COG4: variants seen among roughly 807,000 people sequenced by gnomAD.
COG4 encodes the protein component of oligomeric golgi complex 4, also known as conserved oligomeric Golgi complex subunit 4.
A neutral mutation model predicts 95.1 loss-of-function variants in COG4; 65 were observed. The ratio of observed to expected loss-of-function variants is 0.68; its 90% CI spans 0.56 to 0.84. COG4 has a LOEUF of 0.84. Among genes scored for constraint, COG4 ranks in the 40% least tolerant of loss-of-function variants. COG4 has a pLI of 0.00. For missense variants in COG4, 1,045 were observed against 989.1 expected, an observed-to-expected ratio of 1.06 and a Z score of -0.76; for synonymous variants, 421 against 374.8, an observed-to-expected ratio of 1.12 and a Z score of -1.42.
At chr16:70,488,531 C>T (rs952737127) in intron 13 of COG4, among the ~76,000 whole-genome samples, 5 of 151,926 alleles carry the variant, frequency 3.3e-5, no homozygotes, top group Non-Finnish European at 4.4e-5. Context: ...GTAGCTGAGA[C>T]TACAGGCACG....
chr16:70,516,851 C>A (rs1207987282), intron 3 of COG4, among the ~76,000 whole-genome samples: 1 of 152,136 alleles, frequency 6.6e-6, no homozygotes, highest in African/African-American at 2.4e-5. Flanking sequence ...GCAATCTCTG[C>A]CTCTTGGGGT....
intron 2 of COG4, 101 bp from the exon 3 acceptor site, chr16:70,517,841 C>T: frequency 1.3e-6 from 1 of 753,808 alleles, no homozygotes; most frequent in Non-Finnish European, 2.4e-6. Context: ...TCTTTCATAC[C>T]TACCTGTAAC....
At chr16:70,500,718 T>C (rs539760441) in intron 9 of COG4, among the ~76,000 whole-genome samples, 38 of 152,102 alleles carry the variant, frequency 2.5e-4, no homozygotes, top group Non-Finnish European at 5.9e-5. Context: ...TTATATCCCA[T>C]AAAATTTAAA....
intron 3 of COG4, among the ~76,000 whole-genome samples, chr16:70,516,357 C>T (rs1313121962): frequency 1.3e-5 from 2 of 150,778 alleles, no homozygotes; most frequent in Non-Finnish European, 1.5e-5. Context: ...AGTGCAGAGG[C>T]GCCATCTCGG....
chr16:70,507,409 T>C (rs2049601580), intron 8 of COG4, among the ~76,000 whole-genome samples: 1 of 152,178 alleles, frequency 6.6e-6, no homozygotes, highest in South Asian at 2.1e-4. Context: ...TACCATCGTG[T>C]TATAATTGTC....
At chr16:70,508,991 CT>C in intron 7 of COG4, 2 of 587,608 alleles carry the variant, frequency 3.4e-6, no homozygotes, top group Non-Finnish European at 6.1e-6. Context: ...CTGCTGTGTT[CT>C]TTTCAGGAAG....
intron 2 of COG4, among the ~76,000 whole-genome samples, chr16:70,519,092 T>C (rs938695468): frequency 1.3e-5 from 2 of 152,122 alleles, no homozygotes; most frequent in African/African-American, 4.8e-5. Flanking sequence ...TTTTGTAAGT[T>C]TGGAGTGGGG....
chr16:70,492,463 A>G (rs780345753), intron 12 of COG4, among the ~76,000 whole-genome samples: 1 of 152,050 alleles, frequency 6.6e-6, no homozygotes, highest in Non-Finnish European at 1.5e-5. Flanking sequence ...GTTCGGGACT[A>G]GCCTGACCAA....
chr16:70,482,563 G>C, intron 15 of COG4, 166 bp downstream of exon 15: 2 of 694,712 alleles, frequency 2.9e-6, no homozygotes. Flanking sequence ...TTCTGACTAG[G>C]GACAAACTGT....
At position 70,497,258 on chromosome 16, in the gene COG4, T is replaced by C; in HGVS notation, c.1444A>G (p.Ile482Val). Residue 482 changes from isoleucine (I) to valine (V), a missense_variant, in exon 11 of 19, where the codon ATC becomes GTC. Transcript: ENST00000323786. ...SSSIDCLCAM[I>V]NLATTELESD... ...TCCAGCTCTGTGGTGGCGAGGTTGA[T>C]CATGGCACAGAGACAGTCAATGCTG... The C allele has an allele frequency of 6.2e-7, 1 of 1,614,146 alleles. No individual in the cohort carries two copies. The highest frequency in any genetic ancestry group is 8.5e-7 in the Non-Finnish European group (1 of 1,180,022).
chr16:70,513,087 C>T (rs2049745973), intron 4 of COG4, among the ~76,000 whole-genome samples: 1 of 152,172 alleles, frequency 6.6e-6, no homozygotes, highest in Admixed American at 6.5e-5. Context: ...CTGATACCTG[C>T]ACAGGAGAAC....
chr16:70,506,626 A>AAAAAAAAAAAAAAAAAAAAAAAT (rs2049581766), intron 8 of COG4, among the ~76,000 whole-genome samples: 1 of 135,382 alleles, frequency 7.4e-6, no homozygotes, highest in African/African-American at 3.2e-5. Flanking sequence ...AACAAAAAAA[A>AAAAAAAAAAAAAAAAAAAAAAAT]AAACATTTAG....
chr16:70,490,430 A>G lies in COG4; in HGVS notation c.1648-38T>C, dbSNP rs578034719. 1.9e-4 allele frequency: 300 copies of G among 1,563,334 alleles called. 3 individuals carry two copies. The highest frequency in any genetic ancestry group is 1.5e-3 in the South Asian group (137 of 90,052). On this transcript the variant is annotated intron_variant, in intron 12 of 18. Coordinates refer to ENST00000323786, the MANE Select transcript of COG4 (RefSeq NM_015386.3). ...GAAGGAAGAACGTGACTTCCTGCTG[A>G]CTGTGCCTGCCACCCACTCCAATGC...
intron 9 of COG4, among the ~76,000 whole-genome samples, chr16:70,498,678 T>A (rs990433353): frequency 6.6e-6 from 1 of 152,220 alleles, no homozygotes; most frequent in Non-Finnish European, 1.5e-5. Context: ...AACCACTCTA[T>A]TTTTAGACAC....
At chr16:70,485,302 C>T (rs1284325185) in intron 13 of COG4, among the ~76,000 whole-genome samples, 1 of 150,662 alleles carries the variant, frequency 6.6e-6, no homozygotes, top group African/African-American at 2.5e-5. Flanking sequence ...CTCCTGGGTT[C>T]AAGCGATTCT....
At chr16:70,483,995 C>T in intron 13 of COG4, 26 bp from the exon 14 acceptor site, 1 of 1,544,184 alleles carries the variant, frequency 6.5e-7, no homozygotes, top group Non-Finnish European at 8.9e-7. Context: ...GCTGTAAGAC[C>T]ACCGAGCACG....
intron 13 of COG4, among the ~76,000 whole-genome samples, chr16:70,488,702 C>G (rs563411940): frequency 2.6e-5 from 4 of 152,288 alleles, no homozygotes; most frequent in African/African-American, 9.6e-5. Context: ...CACATGCCAC[C>G]ACACCCAGCT....
chr16:70,491,639 A>G (rs1278249805), intron 12 of COG4, among the ~76,000 whole-genome samples: 2 of 150,960 alleles, frequency 1.3e-5, no homozygotes, highest in Non-Finnish European at 2.9e-5. Context: ...CCTGCCCAAC[A>G]TGGCGAAACC....
chr16:70,513,940 G>A (rs1417492627), intron 4 of COG4, among the ~76,000 whole-genome samples: 1 of 152,160 alleles, frequency 6.6e-6, no homozygotes, highest in East Asian at 1.9e-4. Flanking sequence ...GGGCGCAGTA[G>A]CTTACACCTG....
Sources: allele counts gnomAD v4.1 joint callset (sites outside exome capture counted in the v4.1 genomes callset), GRCh38; gene constraint gnomAD v4.1.1; transcripts MANE v1.5; gene names NCBI Gene and HGNC (gene_info 2026-07-23, HGNC 2026-07-21).